The following PPARGC1A variants were observed in gnomAD, a reference collection of about 807,000 sequenced individuals.
The protein encoded by PPARGC1A is peroxisome proliferator-activated receptor gamma coactivator 1-alpha.
A neutral mutation model predicts 88.7 loss-of-function variants in PPARGC1A; 25 were observed. The ratio of observed to expected loss-of-function variants is 0.28; its 90% CI spans 0.21 to 0.39. The LOEUF (loss-of-function observed/expected upper bound fraction) is 0.39. Ranked by LOEUF, PPARGC1A falls within the 10% of genes least tolerant of loss-of-function variation. The probability of loss-of-function intolerance (pLI) is 1.00; values close to 1 mark genes in which losing one functional copy is unlikely to be tolerated. For synonymous variants in PPARGC1A, 363 were observed against 355.6 expected, an observed-to-expected ratio of 1.02 and a Z score of -0.24; for missense variants, 880 against 968.7, an observed-to-expected ratio of 0.91 and a Z score of 1.22.
chr4:24,096,513 G>GCAAACTAAAACACT, the PPARGC1A span, among the ~76,000 whole-genome samples: 418 of 152,264 alleles, frequency 2.7e-3, 5 homozygotes, highest in East Asian at 0.051. Context: ...CACAGCTCTA[G>GCAAACTAAAACACT]CTGAATTAAA....
chr4:23,841,906 C>T (rs1046057976), intron 2 of PPARGC1A, among the ~76,000 whole-genome samples: 12 of 152,046 alleles, frequency 7.9e-5, no homozygotes, highest in Non-Finnish European at 1.8e-4. Flanking sequence ...AATTTCTCTA[C>T]ATGCATTATT....
chr4:24,128,530 CAG>C, the PPARGC1A span, among the ~76,000 whole-genome samples: 4 of 106,796 alleles, frequency 3.7e-5, no homozygotes, highest in South Asian at 7.9e-4. Flanking sequence ...CAGCCTGTCA[CAG>C]TGTGTGTGTG....
chr4:24,229,115 A>C, the PPARGC1A span, among the ~76,000 whole-genome samples: 39 of 141,138 alleles, frequency 2.8e-4, no homozygotes, highest in Non-Finnish European at 4.8e-4. Flanking sequence ...AGAAATTCAG[A>C]TTTAATTGAT....
At chr4:24,087,775 T>A in the PPARGC1A span, among the ~76,000 whole-genome samples, 1 of 152,232 alleles carries the variant, frequency 6.6e-6, no homozygotes, top group Admixed American at 6.5e-5. Context: ...GCTGTTGGTT[T>A]TCCAGGATGG....
At chr4:23,920,564 G>C in the PPARGC1A span, among the ~76,000 whole-genome samples, 1 of 152,020 alleles carries the variant, frequency 6.6e-6, no homozygotes, top group Non-Finnish European at 1.5e-5. Context: ...TTTACCCCTG[G>C]GTGATTTAAT....
At chr4:24,255,212 G>A in the PPARGC1A span, among the ~76,000 whole-genome samples, 1 of 152,070 alleles carries the variant, frequency 6.6e-6, no homozygotes, top group Non-Finnish European at 1.5e-5. Context: ...TGCTTAATAA[G>A]GATTTATCCC....
At chr4:23,894,015 G>A (rs1170525639), upstream of PPARGC1A, among the ~76,000 whole-genome samples, 2 of 152,122 alleles carry the variant, frequency 1.3e-5, no homozygotes, top group African/African-American at 4.8e-5. Context: ...GGCAAGGTTT[G>A]GAGGGCAGCT....
At chr4:24,000,766 C>T in the PPARGC1A span, among the ~76,000 whole-genome samples, 1 of 152,154 alleles carries the variant, frequency 6.6e-6, no homozygotes, top group Non-Finnish European at 1.5e-5. Flanking sequence ...TTAACAACTA[C>T]TTATTTTTCT....
intron 12 of PPARGC1A, among the ~76,000 whole-genome samples, chr4:23,797,982 C>T: frequency 6.6e-6 from 1 of 152,130 alleles, no homozygotes; most frequent in Non-Finnish European, 1.5e-5. Context: ...CCTGCCTTAA[C>T]TGATGACATT....
the PPARGC1A span, among the ~76,000 whole-genome samples, chr4:24,245,798 A>G: frequency 6.6e-6 from 1 of 152,226 alleles, no homozygotes; most frequent in Non-Finnish European, 1.5e-5. Flanking sequence ...AAATTTTTAC[A>G]TATAATTTTG....
chr4:23,798,217 G>C (rs966483759), intron 12 of PPARGC1A, among the ~76,000 whole-genome samples: 2 of 152,144 alleles, frequency 1.3e-5, no homozygotes, highest in African/African-American at 2.4e-5. Flanking sequence ...CACAAAGCCT[G>C]TTTGGTGGTC....
chr4:23,815,007 G>T (rs768764781), intron 7 of PPARGC1A, among the ~76,000 whole-genome samples: 1 of 152,066 alleles, frequency 6.6e-6, no homozygotes. Context: ...GAGGAATCAC[G>T]GAATAGCCTT....
chr4:23,939,445 A>G, the PPARGC1A span, among the ~76,000 whole-genome samples: 2 of 152,242 alleles, frequency 1.3e-5, no homozygotes, highest in African/African-American at 4.8e-5. Context: ...AAGGATGTTT[A>G]GAAAATAACA....
At chr4:23,927,591 G>A in the PPARGC1A span, among the ~76,000 whole-genome samples, 1 of 152,138 alleles carries the variant, frequency 6.6e-6, no homozygotes, top group Non-Finnish European at 1.5e-5. Flanking sequence ...CTGAGCACCT[G>A]TTATCTTGAA....
chr4:23,813,563 G>T, intron 8 of PPARGC1A, 127 bp downstream of exon 8: 1 of 806,440 alleles, frequency 1.2e-6, no homozygotes, highest in Non-Finnish European at 1.9e-6. Context: ...GTTAGTTCCA[G>T]CAGTGCCAGA....
the PPARGC1A span, among the ~76,000 whole-genome samples, chr4:24,407,717 G>T: frequency 6.6e-6 from 1 of 152,300 alleles, no homozygotes; most frequent in African/African-American, 2.4e-5. Context: ...TGGACATAGG[G>T]GGTCTGAGCC....
chr4:24,020,945 C>T, the PPARGC1A span, among the ~76,000 whole-genome samples: 1 of 152,204 alleles, frequency 6.6e-6, no homozygotes, highest in Non-Finnish European at 1.5e-5. Flanking sequence ...TGTGGTTCTG[C>T]TCAGGCCAGT....
chr4:23,833,574 A>C (rs983961375), intron 2 of PPARGC1A, among the ~76,000 whole-genome samples: 3 of 152,342 alleles, frequency 2.0e-5, no homozygotes, highest in Admixed American at 6.5e-5. Flanking sequence ...ACCTGACAAA[A>C]TTACAAGAAT....
At chr4:24,052,887 G>T in the PPARGC1A span, among the ~76,000 whole-genome samples, 3 of 93,794 alleles carry the variant, frequency 3.2e-5, no homozygotes, top group Admixed American at 1.6e-4. Flanking sequence ...TTTTTGAGAT[G>T]GAGTCTCACT....
Sources: allele counts gnomAD v4.1 joint callset (sites outside exome capture counted in the v4.1 genomes callset), GRCh38; gene constraint gnomAD v4.1.1; transcripts MANE v1.5; gene names NCBI Gene and HGNC (gene_info 2026-07-23, HGNC 2026-07-21).